The following RYR2 variants were observed in gnomAD, a reference collection of about 807,000 sequenced individuals.
The protein encoded by RYR2 is cardiac muscle ryanodine receptor-calcium release channel.
A neutral mutation model predicts 601.1 loss-of-function variants in RYR2; 227 were observed. The observed-to-expected ratio is 0.38, with a 90% CI of 0.34 to 0.42. The LOEUF is 0.42. RYR2 is among the 10% of genes least tolerant of loss of function. The pLI, the probability that RYR2 is intolerant of heterozygous loss-of-function variation, is 1.00. For missense variants in RYR2, 4,646 were observed against 6,156.5 expected (o/e 0.75, Z 8.21); for synonymous variants, 2,223 against 2,175.1 (o/e 1.02, Z -0.61).
At chr1:237,353,797 C>T (rs1699065480) in intron 3 of RYR2, among the ~76,000 whole-genome samples, 1 of 152,036 alleles carries the variant, frequency 6.6e-6, no homozygotes, top group Non-Finnish European at 1.5e-5. Flanking sequence ...ATAAAATCCA[C>T]ATATATTTTT....
At position 237,666,503 on chromosome 1, in the gene RYR2, A is replaced by C; in HGVS notation, c.8437-9A>C. The stretch of plus-strand genomic sequence containing the variant: ...AATGAGGCACTGTTTTTTCACACAA[A>C]TGATCTAGGTTTCTGTGGACGCTGC... On this transcript the variant is annotated splice_polypyrimidine_tract_variant and intron_variant, in intron 56 of 104. Transcript: ENST00000366574. 1 of 1,608,264 alleles carries C rather than the reference A, an allele frequency of 6.2e-7. No homozygotes were observed. Among genetic ancestry groups the C allele is most frequent in the Non-Finnish European group, 8.5e-7 (1 of 1,177,830 alleles).
At chr1:237,437,946 A>G (rs1454649440) in intron 12 of RYR2, among the ~76,000 whole-genome samples, 3 of 152,296 alleles carry the variant, frequency 2.0e-5, no homozygotes, top group African/African-American at 7.2e-5. Context: ...CATAGGAATT[A>G]AATTTTATAT....
chr1:237,313,958 T>G (rs1002195752), intron 2 of RYR2, among the ~76,000 whole-genome samples: 1 of 33,990 alleles, frequency 2.9e-5, no homozygotes. Context: ...TTTTCAGGTG[T>G]TTTTTTTTTT....
At chr1:237,483,946 GTC>G (rs1662395250) in intron 17 of RYR2, among the ~76,000 whole-genome samples, 2 of 152,146 alleles carry the variant, frequency 1.3e-5, no homozygotes, top group South Asian at 4.1e-4. Flanking sequence ...AATTCACTGG[GTC>G]TCTGATTGTG....
chr1:237,726,649 A>G lies in RYR2; in HGVS notation c.10725+341A>G, dbSNP rs186509365. Among the ~76,000 whole-genome samples the G allele has an allele frequency of 2.0e-5, 3 of 152,218 alleles. No homozygotes were observed. The East Asian group carries it at 5.8e-4, about 29-fold the overall frequency. ...GTTTATTACTTTAGCTCTTACAATA[A>G]AATTAGTTACAATGGACATATGAAT... On this transcript the variant is annotated intron_variant, in intron 75 of 104. Coordinates refer to ENST00000366574, the MANE Select transcript of RYR2 (RefSeq NM_001035.3).
chr1:237,088,011 C>T (rs1449150951), intron 1 of RYR2, among the ~76,000 whole-genome samples: 2 of 152,094 alleles, frequency 1.3e-5, no homozygotes, highest in African/African-American at 4.8e-5. Flanking sequence ...ATGTCCTGTA[C>T]CTTTGAATTT....
At chr1:237,567,250 A>G (rs981682990) in intron 28 of RYR2, among the ~76,000 whole-genome samples, 2 of 152,036 alleles carry the variant, frequency 1.3e-5, no homozygotes, top group Admixed American at 6.6e-5. Context: ...TGTTATTTAT[A>G]TACTAATAAA....
chr1:237,758,336 A>G (rs1469697865), intron 82 of RYR2, among the ~76,000 whole-genome samples: 1 of 152,128 alleles, frequency 6.6e-6, no homozygotes, highest in Non-Finnish European at 1.5e-5. Flanking sequence ...TGTTTTCTTT[A>G]TAACTTCAAA....
intron 10 of RYR2, among the ~76,000 whole-genome samples, chr1:237,394,097 G>T (rs142664817): frequency 7.2e-5 from 11 of 152,158 alleles, no homozygotes; most frequent in Admixed American, 6.5e-4. Context: ...AACATGACTT[G>T]TCTACACTGG....
At chr1:237,459,791 C>G (rs887547865) in intron 16 of RYR2, among the ~76,000 whole-genome samples, 10 of 152,088 alleles carry the variant, frequency 6.6e-5, no homozygotes, top group Admixed American at 5.9e-4. Context: ...ATGTTGGGGA[C>G]TTGGTGGGTA....
intron 62 of RYR2, among the ~76,000 whole-genome samples, chr1:237,684,498 C>T (rs1177183132): frequency 2.6e-5 from 4 of 151,838 alleles, no homozygotes; most frequent in Non-Finnish European, 5.9e-5. Flanking sequence ...CATGACTTGG[C>T]GATGAGTAAT....
chr1:237,436,506 A>AGCCTG (rs1178868123), intron 12 of RYR2, among the ~76,000 whole-genome samples: 7 of 91,828 alleles, frequency 7.6e-5, no homozygotes, highest in Non-Finnish European at 6.5e-5. Flanking sequence ...GGGCTAACTA[A>AGCCTG]GCCTGGCCTG....
At chr1:237,136,974 G>A (rs1307743116) in intron 1 of RYR2, among the ~76,000 whole-genome samples, 1 of 138,916 alleles carries the variant, frequency 7.2e-6, no homozygotes, top group Non-Finnish European at 1.5e-5. Flanking sequence ...CCGAGATCAT[G>A]CCACTGCACT....
Position 237,733,770 on chromosome 1 carries a change from C to CT in RYR2, c.11091+16dup, listed in dbSNP as rs1231731558. 10 of 1,541,330 alleles carry CT rather than the reference C, an allele frequency of 6.5e-6. No individual in the cohort carries two copies. The highest frequency in any genetic ancestry group is 8.1e-6 in the Non-Finnish European group (9 of 1,115,654). ...ATTATGGCAAAGGTAAATAAGTATCCTTCCTGATTTTCATGTTTAATTTTA... is the reference window on the plus strand; with the variant it reads ...ATTATGGCAAAGGTAAATAAGTATCCTTTCCTGATTTTCATGTTTAATTTTA... On this transcript the variant is annotated intron_variant, in intron 79 of 104. Transcript: ENST00000366574.
intron 29 of RYR2, among the ~76,000 whole-genome samples, chr1:237,575,759 A>T (rs1040033426): frequency 6.6e-6 from 1 of 152,228 alleles, no homozygotes; most frequent in African/African-American, 2.4e-5. Flanking sequence ...TGCTGTGCTA[A>T]AAGATTTTTT....
chr1:237,423,295 T>A (rs1174110101), intron 12 of RYR2, 47 bp downstream of exon 12: 4 of 1,577,664 alleles, frequency 2.5e-6, no homozygotes, highest in Non-Finnish European at 3.5e-6. Flanking sequence ...TACCCGGTCA[T>A]ATTTCCTTTG....
Position 237,625,628 on chromosome 1 carries a change from A to G in RYR2, c.6023-33A>G, listed in dbSNP as rs770529779. 5 of 1,600,706 alleles carry G rather than the reference A, an allele frequency of 3.1e-6. No homozygotes were observed. In the African/African-American group the frequency reaches 5.4e-5, roughly 17 times the overall value. On this transcript the variant is annotated intron_variant, in intron 39 of 104. Transcript: ENST00000366574. ...ATTTGCCCAAGTGTATTCTTTAAAT[A>G]TTTTTTTCTGCCTCTCTGTTTTTTT...
intron 68 of RYR2, 58 bp from the exon 69 acceptor site, chr1:237,708,800 A>G (rs1295492131): frequency 6.9e-7 from 1 of 1,452,438 alleles, no homozygotes; most frequent in African/African-American, 1.4e-5. Flanking sequence ...ATTACAATCT[A>G]TCATCATGTT....
At chr1:237,595,756 C>T in intron 34 of RYR2, 99 bp downstream of exon 34, 1 of 1,363,398 alleles carries the variant, frequency 7.3e-7, no homozygotes, top group Non-Finnish European at 9.7e-7. Context: ...AAAATAGACA[C>T]ATGTACATGT....
Sources: allele counts gnomAD v4.1 joint callset (sites outside exome capture counted in the v4.1 genomes callset), GRCh38; gene constraint gnomAD v4.1.1; transcripts MANE v1.5; gene names NCBI Gene and HGNC (gene_info 2026-07-23, HGNC 2026-07-21).